Variants in KCNH7 observed in about 807,000 individuals in gnomAD.
KCNH7 encodes the protein potassium voltage-gated channel subfamily H member 7.
In KCNH7, 49 loss-of-function variants were observed where a neutral mutation model predicts 120.8. That is an observed-to-expected ratio of 0.41 (90% CI 0.32 to 0.51). The LOEUF (loss-of-function observed/expected upper bound fraction) is 0.51. Among genes scored for constraint, KCNH7 ranks in the 20% least tolerant of loss-of-function variants. The pLI is 0.38. For synonymous variants in KCNH7, 547 were observed against 516.1 expected, an observed-to-expected ratio of 1.06 and a Z score of -0.81; for missense variants, 1,097 against 1,446.6, an observed-to-expected ratio of 0.76 and a Z score of 3.92.
intron 3 of KCNH7, among the ~76,000 whole-genome samples, chr2:162,520,542 T>C (rs1353360315): frequency 1.3e-5 from 2 of 151,776 alleles, no homozygotes; most frequent in East Asian, 2.0e-4. Flanking sequence ...TAATGATCTC[T>C]TGAGGTCAGG....
At chr2:162,788,988 T>TAAAAAA (rs61348204) in intron 2 of KCNH7, among the ~76,000 whole-genome samples, 4 of 105,136 alleles carry the variant, frequency 3.8e-5, no homozygotes, top group Non-Finnish European at 3.8e-5. Context: ...AGGTACTGGT[T>TAAAAAA]AAAAAAAAAA....
At chr2:162,524,136 T>A (rs1327681970) in intron 3 of KCNH7, among the ~76,000 whole-genome samples, 1 of 151,980 alleles carries the variant, frequency 6.6e-6, no homozygotes, top group African/African-American at 2.4e-5. Flanking sequence ...AGTACTCTCA[T>A]GGGTTATGGC....
chr2:162,473,230 A>G (rs1323127664), intron 6 of KCNH7, among the ~76,000 whole-genome samples: 1 of 152,058 alleles, frequency 6.6e-6, no homozygotes, highest in Non-Finnish European at 1.5e-5. Flanking sequence ...TTTAAAAATA[A>G]ATAAAAATAA....
intron 2 of KCNH7, among the ~76,000 whole-genome samples, chr2:162,751,371 T>G (rs72873594): frequency 0.017 from 2,534 of 152,250 alleles, 36 homozygotes; most frequent in South Asian, 0.05. Flanking sequence ...CTTTTTCTGC[T>G]TATATTAAAT....
chr2:162,722,617 C>A (rs1226541602), intron 2 of KCNH7, among the ~76,000 whole-genome samples: 4 of 151,902 alleles, frequency 2.6e-5, no homozygotes, highest in African/African-American at 4.8e-5. Flanking sequence ...TGTTGAACTT[C>A]CTAGATGTGA....
At chr2:162,692,566 G>A (rs1053423196) in intron 2 of KCNH7, among the ~76,000 whole-genome samples, 5 of 152,012 alleles carry the variant, frequency 3.3e-5, no homozygotes, top group East Asian at 1.9e-4. Flanking sequence ...TTTCACTGCC[G>A]TATTTTTCTA....
intron 12 of KCNH7, among the ~76,000 whole-genome samples, chr2:162,388,639 G>A (rs921072307): frequency 6.6e-6 from 1 of 151,732 alleles, no homozygotes; most frequent in African/African-American, 2.4e-5. Flanking sequence ...CCAATATATT[G>A]AAATAATCTA....
chr2:162,487,707 T>G (rs763292490), intron 6 of KCNH7, among the ~76,000 whole-genome samples: 2 of 152,204 alleles, frequency 1.3e-5, no homozygotes, highest in African/African-American at 4.8e-5. Context: ...GAAATAGAGC[T>G]AGAGGGGGAA....
At chr2:162,492,106 C>T (rs1174642400) in intron 6 of KCNH7, among the ~76,000 whole-genome samples, 1 of 152,218 alleles carries the variant, frequency 6.6e-6, no homozygotes, top group Non-Finnish European at 1.5e-5. Flanking sequence ...TGGCCTCCCT[C>T]TCCCTGTGCA....
intron 8 of KCNH7, among the ~76,000 whole-genome samples, chr2:162,428,148 T>C (rs900744645): frequency 1.6e-4 from 25 of 151,946 alleles, no homozygotes; most frequent in African/African-American, 2.4e-5. Context: ...TATAGATTTA[T>C]CACTAAAAAA....
intron 2 of KCNH7, among the ~76,000 whole-genome samples, chr2:162,667,018 C>CTTTT (rs34213467): frequency 2.4e-5 from 3 of 124,214 alleles, no homozygotes; most frequent in Non-Finnish European, 4.9e-5. Context: ...TTTTCTTTTT[C>CTTTT]TTTTTTTTTT....
chr2:162,632,087 GCC>G (rs1683787636), intron 2 of KCNH7, among the ~76,000 whole-genome samples: 2 of 151,956 alleles, frequency 1.3e-5, no homozygotes, highest in African/African-American at 2.4e-5. Flanking sequence ...GAAAAAAGCT[GCC>G]CGTATTTGGA....
At chr2:162,434,867 A>G (rs1170196679) in intron 8 of KCNH7, among the ~76,000 whole-genome samples, 1 of 152,028 alleles carries the variant, frequency 6.6e-6, no homozygotes, top group Non-Finnish European at 1.5e-5. Context: ...TCCCATTCTA[A>G]TCTAGCCTCA....
chr2:162,750,171 A>G (rs1463326939), intron 2 of KCNH7, among the ~76,000 whole-genome samples: 2 of 135,920 alleles, frequency 1.5e-5, no homozygotes, highest in Non-Finnish European at 3.0e-5. Context: ...CAGAACACAC[A>G]TCGGCATTAG....
intron 1 of KCNH7, among the ~76,000 whole-genome samples, chr2:162,837,970 G>A (rs1685719591): frequency 6.6e-6 from 1 of 152,196 alleles, no homozygotes; most frequent in Admixed American, 6.5e-5. Context: ...TAGCAAGCAA[G>A]CATCCGTGTC....
At chr2:162,710,638 G>A (rs1239978008) in intron 2 of KCNH7, among the ~76,000 whole-genome samples, 2 of 152,176 alleles carry the variant, frequency 1.3e-5, no homozygotes, top group African/African-American at 4.8e-5. Context: ...ATGCATGAAT[G>A]CAGTGGGAGG....
chr2:162,483,549 T>A (rs540718016), intron 6 of KCNH7, among the ~76,000 whole-genome samples: 33 of 152,164 alleles, frequency 2.2e-4, no homozygotes, highest in African/African-American at 6.3e-4. Flanking sequence ...TTTTTTTTTT[T>A]AATATTCTTG....
intron 2 of KCNH7, among the ~76,000 whole-genome samples, chr2:162,688,876 T>C (rs1368709385): frequency 6.6e-6 from 1 of 151,962 alleles, no homozygotes; most frequent in Non-Finnish European, 1.5e-5. Flanking sequence ...AGCCAATATA[T>C]GGAGGCAGAA....
intron 7 of KCNH7, among the ~76,000 whole-genome samples, chr2:162,441,999 C>CTTCTTTTTTTTTT (rs1688430885): frequency 3.6e-4 from 15 of 41,566 alleles, no homozygotes; most frequent in African/African-American, 9.7e-4. Context: ...GTTAGGTCTT[C>CTTCTTTTTTTTTT]TTTTTTTTTT....
Sources: gnomAD v4.1 joint callset for allele counts (sites outside exome capture counted in the v4.1 genomes callset) on GRCh38, gnomAD v4.1.1 for gene constraint, MANE v1.5 for transcripts, NCBI Gene and HGNC (gene_info 2026-07-23, HGNC 2026-07-21) for gene names.